The following LSAMP variants were observed in gnomAD, a reference collection of about 807,000 sequenced individuals.
The protein encoded by LSAMP is limbic system associated membrane protein, also known as limbic system-associated membrane protein.
Under a neutral mutation model 38.6 loss-of-function variants are expected in LSAMP, and 7 were observed. The ratio of observed to expected loss-of-function variants is 0.18; its 90% CI spans 0.10 to 0.34. LSAMP has a LOEUF of 0.34. Ranked by LOEUF, LSAMP falls within the 10% of genes least tolerant of loss-of-function variation. The pLI is 1.00. For synonymous variants in LSAMP, 154 were observed against 166.8 expected, an observed-to-expected ratio of 0.92 and a Z score of 0.59; for missense variants, 313 against 420.0, an observed-to-expected ratio of 0.75 and a Z score of 2.23.
intron 6 of LSAMP, among the ~76,000 whole-genome samples, chr3:115,839,497 C>G (rs1036609392): frequency 6.6e-6 from 1 of 152,012 alleles, no homozygotes; most frequent in African/African-American, 2.4e-5. Context: ...GAGAGCTTCT[C>G]CCCCAAAATG....
chr3:116,038,353 T>C (rs1164840574), intron 2 of LSAMP, among the ~76,000 whole-genome samples: 1 of 152,026 alleles, frequency 6.6e-6, no homozygotes, highest in Non-Finnish European at 1.5e-5. Context: ...ACATCAGAAA[T>C]AGTGATTTGA....
chr3:115,885,070 A>G (rs949789340), intron 3 of LSAMP, among the ~76,000 whole-genome samples: 1 of 152,080 alleles, frequency 6.6e-6, no homozygotes, highest in Non-Finnish European at 1.5e-5. Context: ...CATTTAGGGA[A>G]CTTACAGAAG....
intron 1 of LSAMP, among the ~76,000 whole-genome samples, chr3:116,320,588 G>A (rs1559827120): frequency 6.6e-6 from 1 of 152,148 alleles, no homozygotes; most frequent in Non-Finnish European, 1.5e-5. Flanking sequence ...TGGTCAGAAT[G>A]AGTTAGGAAC....
chr3:116,303,929 G>A (rs1450944507), intron 1 of LSAMP, among the ~76,000 whole-genome samples: 2 of 152,150 alleles, frequency 1.3e-5, no homozygotes, highest in East Asian at 1.9e-4. Context: ...CTTAAATAAC[G>A]TGGCTGGTGT....
At chr3:116,127,364 A>T (rs1388283435) in intron 1 of LSAMP, among the ~76,000 whole-genome samples, 1 of 152,230 alleles carries the variant, frequency 6.6e-6, no homozygotes, top group Non-Finnish European at 1.5e-5. Context: ...TCCCATCTAT[A>T]CATCCCATCT....
At chr3:116,431,976 T>C (rs1576220680) in intron 1 of LSAMP, among the ~76,000 whole-genome samples, 2 of 152,216 alleles carry the variant, frequency 1.3e-5, no homozygotes, top group South Asian at 4.1e-4. Context: ...GATTTCCTTT[T>C]GCTTTTTATG....
chr3:116,298,525 T>G (rs1322140936), intron 1 of LSAMP, among the ~76,000 whole-genome samples: 1 of 152,184 alleles, frequency 6.6e-6, no homozygotes, highest in Non-Finnish European at 1.5e-5. Flanking sequence ...CCAAGGATCT[T>G]GGACAATATT....
chr3:115,878,814 G>C (rs1182155740), intron 3 of LSAMP, among the ~76,000 whole-genome samples: 1 of 152,048 alleles, frequency 6.6e-6, no homozygotes, highest in East Asian at 1.9e-4. Context: ...AACAATGGTG[G>C]CCCATGTCAC....
chr3:115,885,850 A>C (rs750869210), intron 3 of LSAMP, among the ~76,000 whole-genome samples: 2 of 151,970 alleles, frequency 1.3e-5, no homozygotes, highest in Admixed American at 6.6e-5. Context: ...CTGAAAAAAA[A>C]CCATTGCCCA....
chr3:116,049,018 A>G (rs1406014426), intron 2 of LSAMP, among the ~76,000 whole-genome samples: 1 of 152,232 alleles, frequency 6.6e-6, no homozygotes, highest in Non-Finnish European at 1.5e-5. Flanking sequence ...AGCTGATACT[A>G]TAGAAGTTCA....
At chr3:115,993,660 C>T (rs777902043) in intron 3 of LSAMP, among the ~76,000 whole-genome samples, 2 of 151,904 alleles carry the variant, frequency 1.3e-5, no homozygotes, top group African/African-American at 4.8e-5. Flanking sequence ...TATTTTAAAC[C>T]TTTTGCCCTC....
chr3:115,994,762 T>A (rs1407887481), intron 3 of LSAMP, among the ~76,000 whole-genome samples: 2 of 152,112 alleles, frequency 1.3e-5, no homozygotes, highest in Non-Finnish European at 2.9e-5. Context: ...CCTTCACTTT[T>A]CTTTTCGCTT....
intron 3 of LSAMP, among the ~76,000 whole-genome samples, chr3:115,984,991 AG>A (rs1939468320): frequency 6.6e-6 from 1 of 152,202 alleles, no homozygotes; most frequent in African/African-American, 2.4e-5. Context: ...CTGGAAATAC[AG>A]GCTAGGGTCA....
In LSAMP at chr3:116,325,963, C is replaced by A. The variant is rs980871803; in HGVS notation, c.155+118914G>T. On this transcript the variant is annotated intron_variant, in intron 1 of 6. Transcript: ENST00000490035. ...TCCAAAGACATTCATAATTTTTTTCCCCATGGTTCTCTTTTGCCCATTTTC... is the reference window on the plus strand; with the variant it reads ...TCCAAAGACATTCATAATTTTTTTCACCATGGTTCTCTTTTGCCCATTTTC... Among the ~76,000 whole-genome samples, 3 of 152,030 alleles carry A rather than the reference C, an allele frequency of 2.0e-5. No individual in the cohort carries two copies. In the South Asian group the frequency reaches 6.2e-4, roughly 32 times the overall value.
intron 1 of LSAMP, among the ~76,000 whole-genome samples, chr3:116,429,218 T>G (rs1468697810): frequency 6.6e-6 from 1 of 152,222 alleles, no homozygotes; most frequent in African/African-American, 2.4e-5. Flanking sequence ...CTCTGATAAT[T>G]GCTGTTTAAA....
At chr3:116,191,932 C>T (rs1189792524) in intron 1 of LSAMP, among the ~76,000 whole-genome samples, 2 of 151,992 alleles carry the variant, frequency 1.3e-5, no homozygotes, top group South Asian at 4.1e-4. Flanking sequence ...AGTGTGATCT[C>T]CAGTAAATTA....
chr3:116,065,430 C>T (rs528058125), intron 2 of LSAMP, among the ~76,000 whole-genome samples: 1 of 152,242 alleles, frequency 6.6e-6, no homozygotes, highest in South Asian at 2.1e-4. Context: ...TTATTGTTTG[C>T]TGTCTAGACA....
At chr3:115,978,838 G>T (rs1235840691) in intron 3 of LSAMP, among the ~76,000 whole-genome samples, 3 of 152,116 alleles carry the variant, frequency 2.0e-5, no homozygotes, top group Admixed American at 6.6e-5. Flanking sequence ...GGAGAATTAA[G>T]ATGATGCCAA....
At chr3:116,428,701 T>G (rs1447531675) in intron 1 of LSAMP, among the ~76,000 whole-genome samples, 4 of 152,182 alleles carry the variant, frequency 2.6e-5, no homozygotes, top group Non-Finnish European at 5.9e-5. Context: ...CCTAAAGCTT[T>G]TCTCTTGGGA....
Sources: gnomAD v4.1 joint callset for allele counts (sites outside exome capture counted in the v4.1 genomes callset) on GRCh38, gnomAD v4.1.1 for gene constraint, MANE v1.5 for transcripts, NCBI Gene and HGNC (gene_info 2026-07-23, HGNC 2026-07-21) for gene names.